The following CNTN1 variants were observed in gnomAD, a reference collection of about 807,000 sequenced individuals.
The protein encoded by CNTN1 is contactin-1.
A neutral mutation model predicts 126.4 loss-of-function variants in CNTN1; 38 were observed. That is an observed-to-expected ratio of 0.30 (90% confidence interval 0.23 to 0.39). CNTN1 has a LOEUF of 0.39. Among genes scored for constraint, CNTN1 ranks in the 10% least tolerant of loss-of-function variants. The pLI is 1.00. For synonymous variants in CNTN1, 413 were observed against 422.6 expected (o/e 0.98, Z 0.28); for missense variants, 1,009 against 1,248.4 (o/e 0.81, Z 2.89).
At chr12:40,844,069 A>ATTGTTTTTTTTTTTTTTTTTTTTTTTT (rs1942397060) in intron 1 of CNTN1, among the ~76,000 whole-genome samples, 1 of 84,654 alleles carries the variant, frequency 1.2e-5, no homozygotes, top group Non-Finnish European at 2.3e-5. Context: ...TGGCACAATG[A>ATTGTTTTTTTTTTTTTTTTTTTTTTTT]TTTTTTTTTT....
At chr12:41,009,940 A>G (rs1402097566) in intron 17 of CNTN1, among the ~76,000 whole-genome samples, 2 of 152,080 alleles carry the variant, frequency 1.3e-5, no homozygotes, top group African/African-American at 2.4e-5. Context: ...ATCTCTACCT[A>G]ATAAAGGAGT....
chr12:40,787,649 C>G (rs996641421), intron 1 of CNTN1, among the ~76,000 whole-genome samples: 1 of 151,864 alleles, frequency 6.6e-6, no homozygotes, highest in Non-Finnish European at 1.5e-5. Flanking sequence ...CAGGCAGTCA[C>G]AGGGATTTAG....
At chr12:40,990,177 C>T (rs141292790) in intron 16 of CNTN1, among the ~76,000 whole-genome samples, 331 of 152,126 alleles carry the variant, frequency 2.2e-3, no homozygotes, top group Middle Eastern at 0.01. Context: ...TTTGTATTCT[C>T]GTAGGTACTG....
chr12:40,971,352 G>A, intron 15 of CNTN1: 3 of 1,212,896 alleles, frequency 2.5e-6, no homozygotes, highest in South Asian at 2.6e-5. Context: ...AAGGAAATAG[G>A]GCAAATCCCC....
At chr12:41,019,113 G>A (rs549066873) in intron 19 of CNTN1, among the ~76,000 whole-genome samples, 68 of 152,214 alleles carry the variant, frequency 4.5e-4, no homozygotes, top group East Asian at 5.8e-4. Context: ...CCGAGATCGC[G>A]CCATTGCACT....
intron 20 of CNTN1, among the ~76,000 whole-genome samples, chr12:41,020,860 A>G (rs1948890579): frequency 6.6e-6 from 1 of 152,190 alleles, no homozygotes; most frequent in Non-Finnish European, 1.5e-5. Flanking sequence ...AAAGTAAACA[A>G]TTTTAAATAT....
intron 1 of CNTN1, among the ~76,000 whole-genome samples, chr12:40,897,325 C>T (rs891305423): frequency 2.0e-5 from 3 of 152,082 alleles, no homozygotes; most frequent in African/African-American, 7.2e-5. Flanking sequence ...GTAGATCCAT[C>T]AAGTTTTCTC....
chr12:41,066,341 G>C (rs1036249702), intron 23 of CNTN1, among the ~76,000 whole-genome samples: 1 of 152,124 alleles, frequency 6.6e-6, no homozygotes, highest in African/African-American at 2.4e-5. Flanking sequence ...AATATCAGGG[G>C]TCACACTGAA....
At position 40,739,897 on chromosome 12, in the gene CNTN1, G is replaced by A. The variant is rs569053077; in HGVS notation, c.-77+47305G>A. ...AGAAGAAAACATATTACACTACCAAGGATTAGAAAGGAGGATATGAATAGA... is the reference window on the plus strand; with the variant it reads ...AGAAGAAAACATATTACACTACCAAAGATTAGAAAGGAGGATATGAATAGA... On this transcript the variant is annotated intron_variant, in intron 1 of 23. Coordinates refer to ENST00000551295, the MANE Select transcript of CNTN1 (RefSeq NM_001843.4). Among the ~76,000 whole-genome samples the A allele has an allele frequency of 1.6e-4, 25 of 152,104 alleles. No individual in the cohort carries two copies. In the South Asian group the frequency reaches 4.4e-3, roughly 26 times the overall value.
At chr12:40,734,832 A>G (rs2121278543) in intron 1 of CNTN1, among the ~76,000 whole-genome samples, 1 of 152,268 alleles carries the variant, frequency 6.6e-6, no homozygotes, top group East Asian at 1.9e-4. Context: ...CATCTGGGTC[A>G]GGAAACCTTG....
chr12:40,872,967 G>A (rs1397991450), intron 1 of CNTN1, among the ~76,000 whole-genome samples: 1 of 152,096 alleles, frequency 6.6e-6, no homozygotes, highest in Non-Finnish European at 1.5e-5. Context: ...TAGGTTGAGA[G>A]GAAAGATAAT....
intron 1 of CNTN1, among the ~76,000 whole-genome samples, chr12:40,836,140 A>G (rs1942048747): frequency 8.3e-6 from 1 of 120,448 alleles, no homozygotes; most frequent in Non-Finnish European, 1.8e-5. Context: ...ATATACAGGT[A>G]TATACACATA....
At chr12:40,955,348 G>A (rs1239064571) in intron 14 of CNTN1, among the ~76,000 whole-genome samples, 1 of 152,046 alleles carries the variant, frequency 6.6e-6, no homozygotes, top group Non-Finnish European at 1.5e-5. Context: ...AAAGTTAGAA[G>A]TTCAGTTTTC....
chr12:40,853,562 C>T (rs1942795676), intron 1 of CNTN1, among the ~76,000 whole-genome samples: 1 of 152,048 alleles, frequency 6.6e-6, no homozygotes, highest in Non-Finnish European at 1.5e-5. Flanking sequence ...AACTCATTCA[C>T]CATTTATTTA....
chr12:41,065,141 T>C lies in CNTN1; in HGVS notation c.2981-4818T>C, dbSNP rs144626394. On this transcript the variant is annotated intron_variant, in intron 23 of 23. Transcript: ENST00000551295. Reference sequence around the variant, plus strand: ...CGCCATCTCCGCTCACTGCAAGCTCTGCCTCCCGGGTTCACGCCATTCTCC... The same window carrying C: ...CGCCATCTCCGCTCACTGCAAGCTCCGCCTCCCGGGTTCACGCCATTCTCC... Among the ~76,000 whole-genome samples the C allele has an allele frequency of 4.0e-3, 603 of 152,310 alleles. 7 individuals carry two copies. The highest frequency in any genetic ancestry group is 0.014 in the African/African-American group (579 of 41,570).
At position 41,020,277 on chromosome 12, in the gene CNTN1, A is replaced by T. The variant is rs979867445; in HGVS notation, c.2420-60A>T. 4.7e-6 allele frequency: 5 copies of T among 1,072,598 alleles called. No individual in the cohort carries two copies. The African/African-American group carries it at 6.3e-5, about 14-fold the overall frequency. The allele number at this position is 1,072,598 out of a possible 1,614,324, so 66.4% of individuals were successfully genotyped here. A position where few individuals can be genotyped will look rare whatever the true frequency, so the allele number is the denominator to read the frequency against. The stretch of plus-strand genomic sequence containing the variant: ...CATCATTCATATAGCAAATGATGCT[A>T]TTCGAATTTCTTAAATGTAAATATC... On this transcript the variant is annotated intron_variant, in intron 19 of 23. Transcript: ENST00000551295.
rs552799285 is a variant in CNTN1, at chr12:40,922,793, A to G, written c.400+365A>G. ...CGAGACCATCCTGGCCAACATGGTG[A>G]AACCCTGTCTCTACTTAAAATACAA... On this transcript the variant is annotated intron_variant, in intron 5 of 23. Transcript: ENST00000551295. 2.6e-5 allele frequency among the ~76,000 whole-genome samples: 4 copies of G among 152,114 alleles called. No homozygotes were observed. In the South Asian group the frequency reaches 8.3e-4, roughly 32 times the overall value.
chr12:41,010,293 C>G (rs1948613153), intron 17 of CNTN1, among the ~76,000 whole-genome samples: 1 of 152,168 alleles, frequency 6.6e-6, no homozygotes, highest in Non-Finnish European at 1.5e-5. Flanking sequence ...TGGGGGCAGT[C>G]CGACTTCCAA....
chr12:40,947,954 G>A (rs1164517163), intron 14 of CNTN1, among the ~76,000 whole-genome samples: 1 of 151,782 alleles, frequency 6.6e-6, no homozygotes, highest in Non-Finnish European at 1.5e-5. Context: ...ACCAACCTGG[G>A]CTTTAGGCTT....
Sources: gnomAD v4.1 joint callset for allele counts (sites outside exome capture counted in the v4.1 genomes callset) on GRCh38, gnomAD v4.1.1 for gene constraint, MANE v1.5 for transcripts, NCBI Gene and HGNC (gene_info 2026-07-23, HGNC 2026-07-21) for gene names.